Variants in DBF4 observed in about 807,000 individuals in gnomAD.
DBF4 encodes the protein DBF4-CDC7 kinase regulatory subunit.
In DBF4, 25 loss-of-function variants were observed where a neutral mutation model predicts 76.6. The observed-to-expected ratio is 0.33, with a 90% CI of 0.24 to 0.46. DBF4 has a LOEUF of 0.46. DBF4 is among the 20% of genes least tolerant of loss of function. The pLI is 1.00. For missense variants in DBF4, 638 were observed against 760.8 expected (o/e 0.84, Z 1.90); for synonymous variants, 213 against 258.0 (o/e 0.83, Z 1.67).
Position 87,876,641 on chromosome 7 carries a change from G to C in DBF4, c.-92G>C. ...AGCTGGCGGAAGGAGAGAGGCGGCC[G>C]TCCTGTCAACAGGCCGGGGGAAGCC... On this transcript the variant is annotated 5_prime_UTR_variant, in exon 1 of 12. Coordinates refer to ENST00000265728, the MANE Select transcript of DBF4 (RefSeq NM_006716.4). 1 of 1,420,540 alleles carries C rather than the reference G, an allele frequency of 7.0e-7. No homozygotes were observed. The highest frequency in any genetic ancestry group is 9.8e-7 in the Non-Finnish European group (1 of 1,023,992). The allele number at this position is 1,420,540 out of a possible 1,614,324, so 88.0% of individuals were successfully genotyped here.
intron 2 of DBF4, among the ~76,000 whole-genome samples, chr7:87,881,767 T>C (rs1467236981): frequency 6.6e-6 from 1 of 152,212 alleles, no homozygotes; most frequent in Non-Finnish European, 1.5e-5. Flanking sequence ...TATGTTAGAG[T>C]GTTGTCAATG....
chr7:87,887,951 C>T (rs1839399994), intron 5 of DBF4, 32 bp from the exon 6 acceptor site: 2 of 1,496,550 alleles, frequency 1.3e-6, no homozygotes, highest in South Asian at 1.3e-5. Flanking sequence ...AGTAAAATTG[C>T]TAATCTTAAA....
Position 87,900,346 on chromosome 7 carries a change from T to A in DBF4, c.806T>A (p.Leu269Gln). The A allele has an allele frequency of 6.3e-7, 1 of 1,587,424 alleles. No homozygotes were observed. Among genetic ancestry groups the A allele is most frequent in the Non-Finnish European group, 8.5e-7 (1 of 1,172,826 alleles). ...SSMQKQTQVK[L>Q]RIQTDGDKYG... Reference sequence around the variant, plus strand: ...ATGCAAAAGCAAACTCAGGTTAAACTAAGGTTGGTTTGAATCTTTACTTTT... The same window carrying A: ...ATGCAAAAGCAAACTCAGGTTAAACAAAGGTTGGTTTGAATCTTTACTTTT... The change falls in exon 9 of 12, where the codon CTA (leucine) becomes CAA (glutamine). Residue 269 changes from leucine (L) to glutamine (Q), a missense_variant. Transcript: ENST00000265728.
chr7:87,887,460 G>C (rs1163893368), intron 5 of DBF4, 62 bp downstream of exon 5: 2 of 1,478,804 alleles, frequency 1.4e-6, no homozygotes, highest in African/African-American at 2.8e-5. Flanking sequence ...CTGTCCTTTG[G>C]TTCCTGACTT....
At chr7:87,884,401 G>A (rs1344391323) in intron 2 of DBF4, among the ~76,000 whole-genome samples, 7 of 152,050 alleles carry the variant, frequency 4.6e-5, no homozygotes, top group Non-Finnish European at 1.0e-4. Context: ...ACACTACCAA[G>A]GCCATTTCAA....
chr7:87,890,743 C>T (rs977619452), intron 6 of DBF4, among the ~76,000 whole-genome samples: 5 of 152,162 alleles, frequency 3.3e-5, no homozygotes, highest in Non-Finnish European at 7.4e-5. Flanking sequence ...TAGTCCTCAT[C>T]ATTCCTTCAG....
At chr7:87,888,111 AC>A (rs772211133) in intron 6 of DBF4, 52 bp downstream of exon 6, 2 of 1,507,592 alleles carry the variant, frequency 1.3e-6, no homozygotes, top group Admixed American at 2.4e-5. Flanking sequence ...TTTTTTACTT[AC>A]GTATTTGCAA....
At chr7:87,888,913 A>G (rs1040842194) in intron 6 of DBF4, among the ~76,000 whole-genome samples, 2 of 152,312 alleles carry the variant, frequency 1.3e-5, no homozygotes, top group Non-Finnish European at 2.9e-5. Flanking sequence ...TTTGTGGCCT[A>G]CTTTTCCTTT....
intron 6 of DBF4, among the ~76,000 whole-genome samples, chr7:87,895,133 T>C (rs10264991): frequency 0.048 from 7,364 of 152,242 alleles, 261 homozygotes; most frequent in East Asian, 0.094. Context: ...AATACTTAAT[T>C]GTGTCATACA....
chr7:87,900,169 T>G, intron 8 of DBF4, 52 bp from the exon 9 acceptor site: 4 of 1,438,576 alleles, frequency 2.8e-6, no homozygotes, highest in Non-Finnish European at 3.8e-6. Context: ...ACTTTAAACC[T>G]TTTTTCTTTA....
intron 10 of DBF4, among the ~76,000 whole-genome samples, chr7:87,902,936 T>G (rs142416692): frequency 1.3e-5 from 2 of 152,312 alleles, no homozygotes; most frequent in Non-Finnish European, 2.9e-5. Flanking sequence ...AGCTTCTAAG[T>G]ACAATTCCCT....
intron 5 of DBF4, 79 bp from the exon 6 acceptor site, chr7:87,887,904 A>C (rs1035930259): frequency 1.5e-6 from 2 of 1,317,950 alleles, no homozygotes; most frequent in African/African-American, 3.0e-5. Context: ...TCTTTATCTA[A>C]TTTAACTACA....
intron 9 of DBF4, 83 bp from the exon 10 acceptor site, chr7:87,900,681 G>T (rs1014737668): frequency 1.8e-6 from 2 of 1,116,188 alleles, no homozygotes; most frequent in Non-Finnish European, 2.6e-6. Flanking sequence ...TGCAGATTGT[G>T]TGTGATAGTT....
At chr7:87,893,864 C>T (rs1364326488) in intron 6 of DBF4, among the ~76,000 whole-genome samples, 6 of 151,940 alleles carry the variant, frequency 3.9e-5, no homozygotes, top group Non-Finnish European at 7.4e-5. Context: ...TGCTGATGCC[C>T]TCTGTATTTT....
chr7:87,908,409 CAATGA>C lies in DBF4; in HGVS notation c.*248_*252del. On this transcript the variant is annotated 3_prime_UTR_variant, in exon 12 of 12. Coordinates refer to ENST00000265728, the MANE Select transcript of DBF4 (RefSeq NM_006716.4). Reference sequence around the variant, plus strand: ...GTTCGTAATTGTTTCCTGAGAATTACAATGAATAATAATTTGCTTTGTCACTGAAA... The same window carrying C: ...GTTCGTAATTGTTTCCTGAGAATTACATAATAATTTGCTTTGTCACTGAAA... 1 of 275,262 alleles carries C rather than the reference CAATGA, an allele frequency of 3.6e-6. No homozygotes were observed. The highest frequency in any genetic ancestry group is 6.5e-6 in the Non-Finnish European group (1 of 153,406). 17.1% of individuals were successfully genotyped at this position (275,262 alleles called of 1,614,324 possible). A position where few individuals can be genotyped will look rare whatever the true frequency, so the allele number is the denominator to read the frequency against.
Position 87,896,220 on chromosome 7 carries a change from A to G in DBF4, c.598-254A>G, listed in dbSNP as rs1005505594. The G allele has an allele frequency of 3.1e-5, 11 of 353,756 alleles. 1 individual carries two copies. The highest frequency in any genetic ancestry group is 5.1e-5 in the Non-Finnish European group (10 of 197,030). The allele number at this position is 353,756 out of a possible 1,614,324, so 21.9% of individuals were successfully genotyped here. On this transcript the variant is annotated intron_variant, in intron 6 of 11. Coordinates refer to ENST00000265728, the MANE Select transcript of DBF4 (RefSeq NM_006716.4). ...TAAAAATAATATGACTTTTAAAAAA[A>G]CATTTCATTAACTACCTTTTCATTA...
At chr7:87,891,837 T>C (rs1276915316) in intron 6 of DBF4, among the ~76,000 whole-genome samples, 2 of 152,210 alleles carry the variant, frequency 1.3e-5, no homozygotes, top group Non-Finnish European at 2.9e-5. Context: ...ATTTGTAGTT[T>C]CTTAGGTAAA....
chr7:87,895,684 T>G (rs1328847685), intron 6 of DBF4, among the ~76,000 whole-genome samples: 1 of 152,196 alleles, frequency 6.6e-6, no homozygotes, highest in Admixed American at 6.5e-5. Context: ...AGGGATCCCT[T>G]TCTCTAACTT....
intron 2 of DBF4, among the ~76,000 whole-genome samples, chr7:87,879,398 A>G (rs1839155786): frequency 6.6e-6 from 1 of 152,164 alleles, no homozygotes; most frequent in Non-Finnish European, 1.5e-5. Context: ...TGCTTGTAAT[A>G]GTTGTATTTA....
Sources: allele counts gnomAD v4.1 joint callset (sites outside exome capture counted in the v4.1 genomes callset), GRCh38; gene constraint gnomAD v4.1.1; transcripts MANE v1.5; gene names NCBI Gene and HGNC (gene_info 2026-07-23, HGNC 2026-07-21).